The following PCDH9 variants were observed in gnomAD, a reference collection of about 807,000 sequenced individuals.
PCDH9 encodes the protein protocadherin-9.
In PCDH9, 24 loss-of-function variants were observed where a neutral mutation model predicts 70.6. That is an observed-to-expected ratio of 0.34 (90% CI 0.25 to 0.48). The LOEUF is 0.48. Among genes scored for constraint, PCDH9 ranks in the 20% least tolerant of loss-of-function variants. The pLI is 0.99. For synonymous variants in PCDH9, 562 were observed against 558.5 expected (o/e 1.01, Z -0.09); for missense variants, 1,281 against 1,503.6 (o/e 0.85, Z 2.45).
chr13:66,543,572 A>C (rs1005157376), intron 4 of PCDH9, among the ~76,000 whole-genome samples: 3 of 152,062 alleles, frequency 2.0e-5, no homozygotes, highest in Admixed American at 6.6e-5. Context: ...GTTTCAAAAA[A>C]AAAAAAGATT....
At chr13:66,467,100 T>C (rs1242688151) in intron 4 of PCDH9, among the ~76,000 whole-genome samples, 1 of 151,974 alleles carries the variant, frequency 6.6e-6, no homozygotes, top group Non-Finnish European at 1.5e-5. Context: ...AAGTAACTAG[T>C]GTAAATGTGA....
At position 66,616,666 on chromosome 13, in the gene PCDH9, T is replaced by C. The variant is rs539455742; in HGVS notation, c.3340+14544A>G. Among the ~76,000 whole-genome samples the C allele has an allele frequency of 9.5e-4, 144 of 152,160 alleles. 2 individuals are homozygous for C. The highest frequency in any genetic ancestry group is 3.3e-3 in the African/African-American group (139 of 41,536). On this transcript the variant is annotated intron_variant, in intron 4 of 4. Transcript: ENST00000377865. ...AAGTGATGGGAATAAATAGGATGAC[T>C]ATCACTTGGAGGTTTCCTTTCTGGG...
intron 4 of PCDH9, among the ~76,000 whole-genome samples, chr13:66,547,403 C>A (rs1321439167): frequency 6.6e-6 from 1 of 152,092 alleles, no homozygotes. Flanking sequence ...GTCTATAAGG[C>A]AATTGTTGGG....
At chr13:67,169,387 C>T (rs1459692803) in intron 2 of PCDH9, among the ~76,000 whole-genome samples, 1 of 152,106 alleles carries the variant, frequency 6.6e-6, no homozygotes, top group East Asian at 1.9e-4. Flanking sequence ...TTAAACACTG[C>T]TCTGTTGCCA....
At chr13:66,568,428 C>A (rs1371235500) in intron 4 of PCDH9, among the ~76,000 whole-genome samples, 2 of 150,704 alleles carry the variant, frequency 1.3e-5, no homozygotes, top group African/African-American at 4.9e-5. Flanking sequence ...CACACACGCA[C>A]ACGCACACGC....
At chr13:66,582,978 T>G (rs1371501397) in intron 4 of PCDH9, among the ~76,000 whole-genome samples, 1 of 152,104 alleles carries the variant, frequency 6.6e-6, no homozygotes, top group Non-Finnish European at 1.5e-5. Context: ...TGGTTTAGAT[T>G]CCTCCTTTTA....
At chr13:66,355,050 A>T (rs908844440) in intron 4 of PCDH9, among the ~76,000 whole-genome samples, 1 of 152,130 alleles carries the variant, frequency 6.6e-6, no homozygotes, top group African/African-American at 2.4e-5. Flanking sequence ...TCCATGGATC[A>T]CACTGGAGTG....
At chr13:66,932,910 A>T (rs1432142962) in intron 2 of PCDH9, among the ~76,000 whole-genome samples, 1 of 151,270 alleles carries the variant, frequency 6.6e-6, no homozygotes, top group East Asian at 1.9e-4. Context: ...GAAAATATTA[A>T]CATCATTTTT....
At chr13:67,153,227 T>C (rs1204166070) in intron 2 of PCDH9, among the ~76,000 whole-genome samples, 2 of 152,028 alleles carry the variant, frequency 1.3e-5, no homozygotes, top group Admixed American at 1.3e-4. Flanking sequence ...AATGGTGCGA[T>C]CATGGCTCAC....
intron 2 of PCDH9, among the ~76,000 whole-genome samples, chr13:67,067,963 C>A (rs990067310): frequency 3.3e-5 from 5 of 151,952 alleles, no homozygotes; most frequent in African/African-American, 1.2e-4. Context: ...TGGTTAGAAC[C>A]AGTTGTGATG....
At chr13:66,689,145 T>C (rs971070882) in intron 3 of PCDH9, among the ~76,000 whole-genome samples, 2 of 152,126 alleles carry the variant, frequency 1.3e-5, no homozygotes, top group African/African-American at 4.8e-5. Context: ...TTTTCAAATA[T>C]TGAGCCTTAA....
intron 4 of PCDH9, among the ~76,000 whole-genome samples, chr13:66,468,327 T>A (rs1958554710): frequency 6.6e-6 from 1 of 152,096 alleles, no homozygotes; most frequent in Admixed American, 6.6e-5. Context: ...ATCTTTCCTG[T>A]CACCACCTTG....
chr13:67,096,973 G>T (rs912956144), intron 2 of PCDH9, among the ~76,000 whole-genome samples: 1 of 152,024 alleles, frequency 6.6e-6, no homozygotes, highest in African/African-American at 2.4e-5. Context: ...TTAAGGCCGG[G>T]CACAGTGGCT....
chr13:67,031,555 C>A (rs2139885797), intron 2 of PCDH9, among the ~76,000 whole-genome samples: 1 of 152,184 alleles, frequency 6.6e-6, no homozygotes, highest in Non-Finnish European at 1.5e-5. Flanking sequence ...TGGTGGCACA[C>A]ACCTGTATTC....
chr13:66,700,667 A>G (rs957148226), intron 3 of PCDH9, among the ~76,000 whole-genome samples: 2 of 152,044 alleles, frequency 1.3e-5, no homozygotes, highest in Non-Finnish European at 2.9e-5. Context: ...TTCTTTATAA[A>G]TCAGGACGAG....
intron 2 of PCDH9, among the ~76,000 whole-genome samples, chr13:67,006,826 T>G (rs1056448324): frequency 6.6e-5 from 10 of 152,162 alleles, no homozygotes; most frequent in Admixed American, 5.2e-4. Context: ...TATAAGTGAC[T>G]TATTTATAAT....
At chr13:67,063,071 G>A (rs1303873150) in intron 2 of PCDH9, among the ~76,000 whole-genome samples, 1 of 152,128 alleles carries the variant, frequency 6.6e-6, no homozygotes, top group African/African-American at 2.4e-5. Flanking sequence ...ATGGTTTAAA[G>A]CAAACAAGGT....
At chr13:66,882,998 T>C (rs2081946495) in intron 3 of PCDH9, among the ~76,000 whole-genome samples, 2 of 152,202 alleles carry the variant, frequency 1.3e-5, no homozygotes, top group Admixed American at 6.5e-5. Context: ...ACATTCAGTG[T>C]CCTTCAGTGT....
intron 2 of PCDH9, among the ~76,000 whole-genome samples, chr13:67,063,497 T>C (rs1294374196): frequency 1.4e-5 from 2 of 147,308 alleles, no homozygotes; most frequent in Non-Finnish European, 3.0e-5. Context: ...TAAATGAATC[T>C]GAGGCTCATA....
Sources: gnomAD v4.1 joint callset for allele counts (sites outside exome capture counted in the v4.1 genomes callset) on GRCh38, gnomAD v4.1.1 for gene constraint, MANE v1.5 for transcripts, NCBI Gene and HGNC (gene_info 2026-07-23, HGNC 2026-07-21) for gene names.